DIP2C: variants seen among roughly 807,000 people sequenced by gnomAD.
The protein encoded by DIP2C is disco-interacting protein 2 homolog C.
In DIP2C, 33 loss-of-function variants were observed where a neutral mutation model predicts 192.4. That is an observed-to-expected ratio of 0.17 (90% CI 0.13 to 0.23). DIP2C has a LOEUF of 0.23. Ranked by LOEUF, DIP2C falls within the 10% of genes least tolerant of loss-of-function variation. DIP2C has a pLI of 1.00. For missense variants in DIP2C, 1,537 were observed against 2,110.1 expected (o/e 0.73, Z 5.32); for synonymous variants, 979 against 864.1 (o/e 1.13, Z -2.33).
intron 9 of DIP2C, among the ~76,000 whole-genome samples, chr10:401,913 G>A (rs1381065827): frequency 1.3e-5 from 2 of 150,862 alleles, no homozygotes; most frequent in East Asian, 3.9e-4. Flanking sequence ...GATTTTACAC[G>A]TGTGGTAGCA....
intron 31 of DIP2C, among the ~76,000 whole-genome samples, chr10:321,569 AGTC>A (rs1181953963): frequency 7.9e-6 from 1 of 126,376 alleles, no homozygotes; most frequent in African/African-American, 3.0e-5. Context: ...TAGAACAGTC[AGTC>A]GGGGGTGCGG....
At chr10:498,880 A>C (rs1845037449) in intron 1 of DIP2C, among the ~76,000 whole-genome samples, 1 of 152,102 alleles carries the variant, frequency 6.6e-6, no homozygotes, top group South Asian at 2.1e-4. Context: ...TATAGATAAA[A>C]CAAGCTTTCT....
intron 10 of DIP2C, among the ~76,000 whole-genome samples, chr10:393,652 G>A (rs1164981690): frequency 2.0e-5 from 3 of 151,894 alleles, no homozygotes; most frequent in Admixed American, 6.6e-5. Context: ...CATGGTACGC[G>A]CCTGTAATCC....
intron 1 of DIP2C, among the ~76,000 whole-genome samples, chr10:533,669 C>T (rs1847541693): frequency 6.7e-6 from 1 of 149,230 alleles, no homozygotes; most frequent in South Asian, 2.1e-4. Flanking sequence ...AAAAAAGCCA[C>T]GTACCTCCCT....
intron 1 of DIP2C, among the ~76,000 whole-genome samples, chr10:580,956 C>T (rs1564226877): frequency 6.6e-6 from 1 of 152,130 alleles, no homozygotes; most frequent in Admixed American, 6.5e-5. Flanking sequence ...CATGTTTTGG[C>T]GTTTGAGACA....
chr10:570,090 G>C (rs530187831), intron 1 of DIP2C, among the ~76,000 whole-genome samples: 3 of 152,214 alleles, frequency 2.0e-5, no homozygotes, highest in Non-Finnish European at 2.9e-5. Flanking sequence ...CCACTGCCAC[G>C]ACCAAAGGCT....
intron 1 of DIP2C, among the ~76,000 whole-genome samples, chr10:492,307 C>T (rs1844505386): frequency 6.6e-6 from 1 of 152,342 alleles, no homozygotes; most frequent in South Asian, 2.1e-4. Context: ...CCCACAGGGC[C>T]TCCAAGTCCT....
rs151311411 is a variant in DIP2C at position 589,998 on chromosome 10, G to T, written c.85+99496C>A. On this transcript the variant is annotated intron_variant, in intron 1 of 36. Transcript: ENST00000280886. ...AAGATTCTGACGGTTGACTAGAAGA[G>T]AAATACCTTTCACAGTATAGTTCAA... is the stretch of plus-strand genomic sequence containing the variant. Among the ~76,000 whole-genome samples the T allele has an allele frequency of 3.1e-3, 466 of 152,364 alleles. 3 individuals are homozygous for T. Among genetic ancestry groups the T allele is most frequent in the African/African-American group, 0.01 (423 of 41,586 alleles).
chr10:468,785 CA>C (rs1214027431), intron 3 of DIP2C, among the ~76,000 whole-genome samples: 1 of 151,860 alleles, frequency 6.6e-6, no homozygotes. Flanking sequence ...CAAAAACAAA[CA>C]AAAAAAGATG....
rs895662587 is a variant in DIP2C, at chr10:467,977, T to C, written c.268+4462A>G. On this transcript the variant is annotated intron_variant, in intron 3 of 36. Coordinates refer to ENST00000280886, the MANE Select transcript of DIP2C (RefSeq NM_014974.3). ...TAAAAAATATATATAAATTAAAAAA[T>C]TCAGTCCCTGGGGCAACCACAGTAG... 3.9e-5 allele frequency among the ~76,000 whole-genome samples: 6 copies of C among 152,150 alleles called. No individual in the cohort carries two copies. The East Asian group carries it at 7.7e-4, about 20-fold the overall frequency.
intron 1 of DIP2C, among the ~76,000 whole-genome samples, chr10:657,823 T>C (rs111164630): frequency 0.012 from 566 of 48,846 alleles, no homozygotes; most frequent in Middle Eastern, 0.11. Context: ...GCCGCTGGAC[T>C]TGACCCTGGA....
At chr10:463,089 A>G (rs906422923) in intron 3 of DIP2C, among the ~76,000 whole-genome samples, 13 of 152,172 alleles carry the variant, frequency 8.5e-5, no homozygotes, top group East Asian at 3.9e-4. Context: ...TGGAAGCATT[A>G]CTTTGAAAAC....
chr10:390,898 G>C, intron 10 of DIP2C, 35 bp from the exon 11 acceptor site: 1 of 1,610,632 alleles, frequency 6.2e-7, no homozygotes, highest in East Asian at 2.2e-5. Context: ...GAGAATCCAC[G>C]ACCTGCCCCA....
chr10:604,732 C>G (rs1852345507), intron 1 of DIP2C, among the ~76,000 whole-genome samples: 2 of 152,286 alleles, frequency 1.3e-5, no homozygotes, highest in Admixed American at 6.5e-5. Context: ...CCCATATAAA[C>G]TAAATGGGTA....
chr10:443,223 T>C (rs930625328), intron 3 of DIP2C, among the ~76,000 whole-genome samples: 2 of 152,198 alleles, frequency 1.3e-5, no homozygotes, highest in Non-Finnish European at 2.9e-5. Flanking sequence ...TCACTACTAG[T>C]TTTAGCATCC....
intron 10 of DIP2C, among the ~76,000 whole-genome samples, chr10:391,433 G>A (rs999137650): frequency 6.6e-6 from 1 of 152,222 alleles, no homozygotes; most frequent in Non-Finnish European, 1.5e-5. Context: ...GCTGAAACAG[G>A]CCACTGCTGT....
chr10:284,250 C>T (rs1381326572), intron 34 of DIP2C, among the ~76,000 whole-genome samples: 2 of 152,172 alleles, frequency 1.3e-5, no homozygotes, highest in Admixed American at 6.5e-5. Context: ...ACTGCACCCA[C>T]GTCCCCAGAG....
intron 1 of DIP2C, among the ~76,000 whole-genome samples, chr10:554,897 T>C (rs1306389424): frequency 6.6e-6 from 1 of 152,054 alleles, no homozygotes; most frequent in Admixed American, 6.5e-5. Context: ...AGACAGACAC[T>C]TGGAGGCCAG....
At chr10:369,674 A>C in intron 17 of DIP2C, 41 bp from the exon 18 acceptor site, 1 of 1,613,854 alleles carries the variant, frequency 6.2e-7, no homozygotes, top group Non-Finnish European at 8.5e-7. Context: ...AGGAGCAGAT[A>C]AGCCATCACA....
Sources: allele counts gnomAD v4.1 joint callset (sites outside exome capture counted in the v4.1 genomes callset), GRCh38; gene constraint gnomAD v4.1.1; transcripts MANE v1.5; gene names NCBI Gene and HGNC (gene_info 2026-07-23, HGNC 2026-07-21).